DNAH7: variants seen among roughly 807,000 people sequenced by gnomAD.
DNAH7 encodes dynein axonemal heavy chain 7.
A neutral mutation model predicts 444.6 loss-of-function variants in DNAH7; 397 were observed. That is an observed-to-expected ratio of 0.89 (90% confidence interval 0.82 to 0.97). The LOEUF is 0.97. DNAH7 is among the 50% of genes least tolerant of loss of function. The pLI, the probability that DNAH7 is intolerant of heterozygous loss-of-function variation, is 0.00. For synonymous variants in DNAH7, 1,636 were observed against 1,624.4 expected (o/e 1.01, Z -0.17); for missense variants, 4,902 against 4,800.8 (o/e 1.02, Z -0.62).
Position 196,068,823 on chromosome 2 carries a change from G to T in DNAH7, c.-112C>A. On this transcript the variant is annotated 5_prime_UTR_variant, in exon 1 of 65. Transcript: ENST00000312428. ...ACTTGCAGCGGTCTCAGCTCCCTCC[G>T]CACCAGAGCCGTCTAGCGTCCGGGC... The T allele has an allele frequency of 8.0e-6, 11 of 1,369,346 alleles. No homozygotes were observed. Among genetic ancestry groups the T allele is most frequent in the Non-Finnish European group, 1.1e-5 (11 of 1,005,226 alleles). The allele number at this position is 1,369,346 out of a possible 1,614,324, so 84.8% of individuals were successfully genotyped here.
Position 195,957,432 on chromosome 2 carries a change from C to T in DNAH7, c.2907G>A (p.Lys969=), listed in dbSNP as rs778153585. 9.0e-6 allele frequency: 14 copies of T among 1,560,720 alleles called. No homozygotes were observed. The highest frequency in any genetic ancestry group is 1.0e-5 in the Non-Finnish European group (12 of 1,144,136). ...CCAGAATCTCCTGAAGCAGTAGGAG[C>T]TTGCCCTCCCATTCTCTGAGGAGCA... ...YEKQMREWEG[K]LLLLQEILDE... Residue 969 remains lysine (K), a synonymous_variant, in exon 19 of 65, where the codon AAG becomes AAA. Transcript: ENST00000312428.
At chr2:195,976,112 T>C (rs1361012146) in intron 15 of DNAH7, among the ~76,000 whole-genome samples, 2 of 152,164 alleles carry the variant, frequency 1.3e-5, no homozygotes, top group South Asian at 4.2e-4. Context: ...TGGCAGAGTA[T>C]GAAGTGGGAT....
At position 195,853,553 on chromosome 2, in the gene DNAH7, T is replaced by C. The variant is rs375926235; in HGVS notation, c.8596-25A>G. ...CCTCGAAAATAAAAGTGAGCTTTTA[T>C]CAACATTTACAAGTATAAGAAGTTT... On this transcript the variant is annotated intron_variant, in intron 45 of 64. Coordinates refer to ENST00000312428, the MANE Select transcript of DNAH7 (RefSeq NM_018897.3). 9.1e-5 allele frequency: 145 copies of C among 1,595,866 alleles called. No homozygotes were observed. The African/African-American group carries it at 1.8e-3, about 20-fold the overall frequency.
chr2:195,822,367 C>T (rs1697513225), intron 49 of DNAH7, among the ~76,000 whole-genome samples: 1 of 152,162 alleles, frequency 6.6e-6, no homozygotes, highest in Admixed American at 6.5e-5. Context: ...CACATCAAGA[C>T]TTTTCAAATC....
chr2:195,866,413 C>T (rs1442996896), intron 40 of DNAH7, among the ~76,000 whole-genome samples: 1 of 151,976 alleles, frequency 6.6e-6, no homozygotes, highest in Non-Finnish European at 1.5e-5. Context: ...TTATTCCAAC[C>T]AGTTCAAAAG....
chr2:195,990,852 AATAT>A (rs1457156326), intron 12 of DNAH7, among the ~76,000 whole-genome samples: 5 of 137,938 alleles, frequency 3.6e-5, no homozygotes, highest in Non-Finnish European at 6.2e-5. Flanking sequence ...TATATACTTA[AATAT>A]ATATACATAT....
rs111802839 is a variant in DNAH7 at position 196,024,927 on chromosome 2, G to A, written c.668-423C>T. Among the ~76,000 whole-genome samples the A allele has an allele frequency of 3.8e-3, 571 of 149,994 alleles. 4 individuals are homozygous for A. Among genetic ancestry groups the A allele is most frequent in the African/African-American group, 0.013 (543 of 40,776 alleles). On this transcript the variant is annotated intron_variant, in intron 7 of 64. Transcript: ENST00000312428. ...TTCTGCATCCATGGATTCAACCAAC[G>A]ATGAATCAAAAATATTCAGAAAAAA...
chr2:195,954,021 T>C (rs1304086795), intron 19 of DNAH7, among the ~76,000 whole-genome samples: 4 of 151,952 alleles, frequency 2.6e-5, no homozygotes, highest in Non-Finnish European at 5.9e-5. Context: ...CAATCGAGTC[T>C]TTTTTTTAAA....
intron 58 of DNAH7, 104 bp from the exon 59 acceptor site, chr2:195,778,089 G>A (rs1050407871): frequency 2.4e-5 from 26 of 1,105,278 alleles, no homozygotes; most frequent in East Asian, 2.9e-5. Context: ...CAAAAAGTTC[G>A]CATTAACACA....
intron 39 of DNAH7, among the ~76,000 whole-genome samples, chr2:195,873,027 A>G (rs1472345688): frequency 6.6e-6 from 1 of 152,236 alleles, no homozygotes; most frequent in Non-Finnish European, 1.5e-5. Context: ...AAGATTGCCT[A>G]TATTTAACTT....
Position 195,738,018 on chromosome 2 carries a change from GA to G in DNAH7, c.11977del (p.Ser3993ProfsTer5). On this transcript the variant is annotated frameshift_variant, in exon 65 of 65. Transcript: ENST00000312428. LOFTEE classifies it high-confidence loss of function. Reference sequence around the variant, plus strand: ...AGTCATGGCAATCACAAAATTCGTGGAATGGCCAGTGGTGGATAATACTCCT... The same window carrying G: ...AGTCATGGCAATCACAAAATTCGTGGATGGCCAGTGGTGGATAATACTCCT... ...RRGVLSTTGH[S>X]TNFVIAMTLP... 6.2e-7 allele frequency: 1 copy of G among 1,614,058 alleles called. No individual in the cohort carries two copies. Among genetic ancestry groups the G allele is most frequent in the Middle Eastern group, 1.6e-4 (1 of 6,062 alleles).
In DNAH7 at chr2:195,960,936, A is replaced by G; in HGVS notation, c.2215T>C (p.Phe739Leu). 6.3e-7 allele frequency: 1 copy of G among 1,589,720 alleles called. No homozygotes were observed. The highest frequency in any genetic ancestry group is 8.6e-7 in the Non-Finnish European group (1 of 1,166,626). Residue 739 changes from phenylalanine to leucine, a missense_variant, in exon 18 of 65, where the codon TTT becomes CTT. Coordinates refer to ENST00000312428, the MANE Select transcript of DNAH7 (RefSeq NM_018897.3). ...CCAAATGCTTCCTCTTCAGCATTAA[A>G]CTGCTCAATCTGAAAGGATAAGTAT... ...LDLAADKIEQ[F>L]NAEEEAFGWL... is the part of the protein sequence containing the mutation.
At chr2:196,057,089 CTT>C (rs1040160308) in intron 2 of DNAH7, among the ~76,000 whole-genome samples, 5 of 152,064 alleles carry the variant, frequency 3.3e-5, no homozygotes, top group African/African-American at 1.2e-4. Context: ...TGCGGAAGAA[CTT>C]ATAGCCAGGA....
chr2:196,019,279 T>G lies in DNAH7; in HGVS notation c.760A>C (p.Lys254Gln). The part of the protein sequence containing the change: ...AHRAEMEILP[K>Q]PWRKSFLAAS... ...GCTAAAAAAGATTTCCTCCAAGGTT[T>G]TGGCAGAATTTCCATTCTGAAAACA... The change falls in exon 9 of 65, where the codon AAA (lysine) becomes CAA (glutamine). Residue 254 changes from lysine to glutamine, a missense_variant. Lys to Gln is a moderately conservative substitution (Grantham distance 53). Transcript: ENST00000312428. 1 of 1,485,948 alleles carries G rather than the reference T, an allele frequency of 6.7e-7. No individual in the cohort carries two copies. Among genetic ancestry groups the G allele is most frequent in the Non-Finnish European group, 9.1e-7 (1 of 1,102,852 alleles). 92.0% of individuals were successfully genotyped at this position (1,485,948 alleles called of 1,614,324 possible).
At chr2:196,030,401 G>A (rs961750942) in intron 5 of DNAH7, among the ~76,000 whole-genome samples, 2 of 152,180 alleles carry the variant, frequency 1.3e-5, no homozygotes, top group Admixed American at 1.3e-4. Flanking sequence ...GAGGCACAGA[G>A]CCAAGCCATA....
At chr2:195,772,850 C>T (rs757375845) in intron 60 of DNAH7, among the ~76,000 whole-genome samples, 64 of 150,248 alleles carry the variant, frequency 4.3e-4, no homozygotes, top group Non-Finnish European at 7.2e-4. Context: ...GCACGATTTC[C>T]GTTCGCTGCA....
chr2:195,937,180 A>G (rs1689113102), intron 19 of DNAH7, among the ~76,000 whole-genome samples: 1 of 152,194 alleles, frequency 6.6e-6, no homozygotes, highest in African/African-American at 2.4e-5. Context: ...CATTATAATT[A>G]TTATTTTGAA....
chr2:196,005,587 T>C (rs1694325602), intron 10 of DNAH7, among the ~76,000 whole-genome samples: 1 of 151,904 alleles, frequency 6.6e-6, no homozygotes. Context: ...TATACAATTG[T>C]TTGCCAACAA....
intron 1 of DNAH7, among the ~76,000 whole-genome samples, chr2:196,065,804 C>T (rs562115673): frequency 1.3e-5 from 2 of 152,322 alleles, no homozygotes; most frequent in African/African-American, 4.8e-5. Context: ...GTAATGGCAT[C>T]CTACTGTCCT....
Sources: allele counts gnomAD v4.1 joint callset (sites outside exome capture counted in the v4.1 genomes callset), GRCh38; gene constraint gnomAD v4.1.1; transcripts MANE v1.5; gene names NCBI Gene and HGNC (gene_info 2026-07-23, HGNC 2026-07-21).